The following PABIR3 variants were observed in gnomAD, a reference collection of about 807,000 sequenced individuals.
The protein encoded by PABIR3 is PABIR family member 1.
In PABIR3, 20 loss-of-function variants were observed where a neutral mutation model predicts 23.1. The ratio of observed to expected loss-of-function variants is 0.86; its 90% CI spans 0.61 to 1.26. PABIR3 has a LOEUF of 1.26. Among genes scored for constraint, PABIR3 ranks in the 50% most tolerant of loss-of-function variants. PABIR3 has a pLI of 0.00. For synonymous variants in PABIR3, 69 were observed against 68.5 expected, an observed-to-expected ratio of 1.01 and a Z score of -0.04; for missense variants, 189 against 195.4, an observed-to-expected ratio of 0.97 and a Z score of 0.20.
At position 134,846,620 on chromosome X, in the gene PABIR3, G is replaced by A. The variant is rs922439748; in HGVS notation, c.346-763G>A. ...ATATGGAAATGGATCATCAGCAGAA[G>A]CAATGGCATTTTATTTTCCTTTGAG... On this transcript the variant is annotated intron_variant, in intron 6 of 10. Transcript: ENST00000645433. 3.6e-5 allele frequency among the ~76,000 whole-genome samples: 4 copies of A among 111,946 alleles called. No homozygotes were observed. The Admixed American group carries it at 3.8e-4, about 11-fold the overall frequency.
intron 2 of PABIR3, chrX:134,809,983 A>G (rs920192703): frequency 1.3e-6 from 1 of 753,298 alleles, no homozygotes; most frequent in Admixed American, 8.8e-5. Flanking sequence ...TGTGCTGAGA[A>G]CAAGAACATT....
At chrX:134,829,824 GCTTA>G (rs773164587) in intron 4 of PABIR3, among the ~76,000 whole-genome samples, 4 of 112,017 alleles carry the variant, frequency 3.6e-5, no homozygotes, top group African/African-American at 1.3e-4. Flanking sequence ...GCACATGCAT[GCTTA>G]ATAGCACAAG....
intron 9 of PABIR3, among the ~76,000 whole-genome samples, chrX:134,849,434 T>A (rs1447193091): frequency 2.7e-5 from 3 of 112,094 alleles, no homozygotes; most frequent in African/African-American, 9.7e-5. Context: ...AAATGTGAAT[T>A]GAGAAATTTA....
At chrX:134,858,367 T>C (rs2082758868), downstream of PABIR3, among the ~76,000 whole-genome samples, 1 of 111,720 alleles carries the variant, frequency 9.0e-6, no homozygotes, top group South Asian at 3.7e-4. Context: ...AAATGAGCTA[T>C]TAAAAGCACA....
intron 3 of PABIR3, among the ~76,000 whole-genome samples, chrX:134,827,849 A>T (rs753106542): frequency 1.8e-5 from 2 of 109,388 alleles, no homozygotes; most frequent in African/African-American, 6.6e-5. Flanking sequence ...AGACCCACAC[A>T]GAGTTCTCTG....
At chrX:134,832,052 C>T (rs1366735457) in intron 4 of PABIR3, among the ~76,000 whole-genome samples, 2 of 110,922 alleles carry the variant, frequency 1.8e-5, no homozygotes, top group African/African-American at 6.6e-5. Flanking sequence ...CTGAGGTGGG[C>T]AGATCACTTG....
chrX:134,862,825 T>C, the PABIR3 span, among the ~76,000 whole-genome samples: 2 of 112,138 alleles, frequency 1.8e-5, no homozygotes, highest in East Asian at 5.6e-4. Context: ...CTTTCTGATA[T>C]GGAACCAAAA....
rs368624003 is a variant in PABIR3 at position 134,853,615 on chromosome X, CT to C, written c.687-463del. On this transcript the variant is annotated intron_variant, in intron 10 of 10. Transcript: ENST00000645433. ...AGGAAATACTGGAATAGATTTCTTT[CT>C]TTTTTTTTTTTTGTTTTGTTTTAGA... Among the ~76,000 whole-genome samples, 262 of 100,291 alleles carry C rather than the reference CT, an allele frequency of 2.6e-3. 1 individual carries two copies. Among genetic ancestry groups the C allele is most frequent in the African/African-American group, 5.9e-3 (166 of 28,002 alleles). The allele number at this position is 100,291 out of a possible 115,157, so 87.1% of individuals were successfully genotyped here.
intron 4 of PABIR3, chrX:134,838,867 T>G (rs1298866348): frequency 9.1e-6 from 1 of 110,022 alleles, no homozygotes; most frequent in African/African-American, 3.4e-5. Context: ...CTGGTTTTCG[T>G]ATTTTTTTGG....
At chrX:134,851,029 G>T (rs746455337) in intron 9 of PABIR3, among the ~76,000 whole-genome samples, 26 of 111,686 alleles carry the variant, frequency 2.3e-4, no homozygotes, top group African/African-American at 8.1e-4. Context: ...ATATTCATTT[G>T]GGAAACAACA....
chrX:134,830,591 C>T (rs1001595938), intron 4 of PABIR3, among the ~76,000 whole-genome samples: 3 of 109,905 alleles, frequency 2.7e-5, no homozygotes, highest in African/African-American at 9.9e-5. Flanking sequence ...CCTCGGCCTC[C>T]CAAATTGCAG....
chrX:134,843,588 G>A (rs1334083200), intron 4 of PABIR3, among the ~76,000 whole-genome samples: 13 of 67,722 alleles, frequency 1.9e-4, no homozygotes, highest in Non-Finnish European at 3.3e-4. Context: ...TTTTTTTTGA[G>A]ACGGAGTCTC....
At chrX:134,817,647 AGT>A (rs1315285878) in intron 3 of PABIR3, among the ~76,000 whole-genome samples, 2 of 109,824 alleles carry the variant, frequency 1.8e-5, no homozygotes, top group African/African-American at 3.3e-5. Flanking sequence ...TAGATAAAAG[AGT>A]GTGTATAAAA....
chrX:134,825,271 G>A (rs1465732120), intron 3 of PABIR3, among the ~76,000 whole-genome samples: 3 of 112,159 alleles, frequency 2.7e-5, no homozygotes, highest in African/African-American at 9.7e-5. Context: ...AATTGTTTAT[G>A]TATCATTAAA....
downstream of PABIR3, among the ~76,000 whole-genome samples, chrX:134,855,226 A>G (rs1281002230): frequency 9.0e-6 from 1 of 110,500 alleles, no homozygotes; most frequent in Non-Finnish European, 1.9e-5. Context: ...CAAGGTCAGG[A>G]GATCGAGACC....
chrX:134,856,844 C>T (rs1490786715), downstream of PABIR3, among the ~76,000 whole-genome samples: 1 of 110,209 alleles, frequency 9.1e-6, no homozygotes, highest in Non-Finnish European at 1.9e-5. Context: ...AATCCTGTCT[C>T]TACTAAAAAT....
At chrX:134,834,287 C>G (rs771380209) in intron 4 of PABIR3, 1 of 112,236 alleles carries the variant, frequency 8.9e-6, no homozygotes, top group South Asian at 3.7e-4. Context: ...AGCTTTTTTT[C>G]GTATGTTTGT....
chrX:134,806,624 A>C (rs1283573999), upstream of PABIR3, among the ~76,000 whole-genome samples: 1 of 109,826 alleles, frequency 9.1e-6, no homozygotes, highest in East Asian at 2.8e-4. Context: ...TCTCAAAAAA[A>C]AAAAAACAAA....
At chrX:134,808,669 C>T (rs1331544723) in intron 2 of PABIR3, among the ~76,000 whole-genome samples, 2 of 111,880 alleles carry the variant, frequency 1.8e-5, no homozygotes, top group Admixed American at 1.9e-4. Context: ...CGTAAGCCAC[C>T]GTGCCCGGCC....
Sources: allele counts gnomAD v4.1 joint callset (sites outside exome capture counted in the v4.1 genomes callset), GRCh38; gene constraint gnomAD v4.1.1; transcripts MANE v1.5; gene names NCBI Gene and HGNC (gene_info 2026-07-23, HGNC 2026-07-21).